The following OCA2 variants were observed in gnomAD, a reference collection of about 807,000 sequenced individuals.
OCA2 encodes P protein.
OCA2 carries 77 observed loss-of-function variants against 100.2 expected under a neutral mutation model. The observed-to-expected ratio is 0.77, with a 90% CI of 0.64 to 0.93. The LOEUF (loss-of-function observed/expected upper bound fraction) is 0.93, where lower values mean the gene tolerates loss of function less well. Among genes scored for constraint, OCA2 ranks in the 40% least tolerant of loss-of-function variants. The pLI is 0.00. For missense variants in OCA2, 1,062 were observed against 1,089.1 expected, an observed-to-expected ratio of 0.98 and a Z score of 0.35; for synonymous variants, 432 against 439.2, an observed-to-expected ratio of 0.98 and a Z score of 0.21.
chr15:27,820,104 C>T (rs4778122), intron 23 of OCA2, among the ~76,000 whole-genome samples: 90,852 of 151,982 alleles, frequency 0.6, 27,604 homozygotes, highest in South Asian at 0.77. Context: ...ACTCAAAGCA[C>T]AAAATAAATA....
At chr15:27,977,936 C>A (rs756280185) in intron 14 of OCA2, among the ~76,000 whole-genome samples, 1 of 152,168 alleles carries the variant, frequency 6.6e-6, no homozygotes, top group East Asian at 1.9e-4. Flanking sequence ...TCTAGCCTCC[C>A]GACTGTGAGG....
intron 23 of OCA2, among the ~76,000 whole-genome samples, chr15:27,840,000 A>T (rs1385742463): frequency 2.0e-5 from 3 of 152,190 alleles, no homozygotes; most frequent in Non-Finnish European, 4.4e-5. Context: ...GGAAAGCCAC[A>T]CTGAAAATAC....
chr15:28,057,402 A>G (rs979647205), intron 2 of OCA2, among the ~76,000 whole-genome samples: 7 of 152,092 alleles, frequency 4.6e-5, no homozygotes, highest in African/African-American at 1.7e-4. Flanking sequence ...GCAGCTCTCT[A>G]TGGGGCCTGC....
the OCA2 span, among the ~76,000 whole-genome samples, chr15:27,745,209 AAAGT>A: frequency 6.6e-6 from 1 of 152,176 alleles, no homozygotes; most frequent in Non-Finnish European, 1.5e-5. Flanking sequence ...GGCATTTCCA[AAAGT>A]AAGAGGAGGA....
chr15:27,943,671 TA>T lies in OCA2; in HGVS notation c.1951+8112del, dbSNP rs66644405. 6.0e-3 allele frequency among the ~76,000 whole-genome samples: 689 copies of T among 114,876 alleles called. 2 individuals carry two copies. Among genetic ancestry groups the T allele is most frequent in the Middle Eastern group, 9.3e-3 (2 of 216 alleles). 75.4% of individuals were successfully genotyped at this position (114,876 alleles called of 152,430 possible). On this transcript the variant is annotated intron_variant, in intron 18 of 23. Coordinates refer to ENST00000354638, the MANE Select transcript of OCA2 (RefSeq NM_000275.3). Reference sequence around the variant, plus strand: ...GTGCCCTAAAACTTAAAGTATAATTTAAAAAAAAAAAAAAAAAAAACCTTGG... The same window carrying T: ...GTGCCCTAAAACTTAAAGTATAATTTAAAAAAAAAAAAAAAAAAACCTTGG...
At chr15:27,896,342 T>A (rs1595595959) in intron 19 of OCA2, 1 of 794,490 alleles carries the variant, frequency 1.3e-6, no homozygotes, top group South Asian at 1.3e-5. Flanking sequence ...AAGATGAAGA[T>A]GCTTACCAGA....
intron 2 of OCA2, among the ~76,000 whole-genome samples, chr15:28,035,514 A>C (rs945721696): frequency 2.6e-5 from 4 of 152,182 alleles, no homozygotes; most frequent in African/African-American, 9.6e-5. Context: ...TTGCCCAAAA[A>C]CATTTTCCAG....
chr15:27,742,280 A>G, the OCA2 span, among the ~76,000 whole-genome samples: 4 of 152,204 alleles, frequency 2.6e-5, no homozygotes, highest in Admixed American at 2.0e-4. Flanking sequence ...TGCAAGTTAA[A>G]CATCATTCCC....
chr15:27,997,888 C>T (rs1039050194), intron 9 of OCA2, among the ~76,000 whole-genome samples: 1 of 132,054 alleles, frequency 7.6e-6, no homozygotes, highest in African/African-American at 2.5e-5. Flanking sequence ...TGAAGAGGTC[C>T]TTCACGTCCC....
chr15:27,820,618 G>A (rs1226946427), intron 23 of OCA2, among the ~76,000 whole-genome samples: 1 of 152,162 alleles, frequency 6.6e-6, no homozygotes, highest in Non-Finnish European at 1.5e-5. Context: ...TGGGAAGTGG[G>A]GTCCCCGATG....
downstream of OCA2, among the ~76,000 whole-genome samples, chr15:27,751,037 C>T (rs996667897): frequency 2.0e-5 from 3 of 152,208 alleles, no homozygotes; most frequent in East Asian, 1.9e-4. Context: ...GCATTTACTG[C>T]TCTTCCCACA....
intron 9 of OCA2, among the ~76,000 whole-genome samples, chr15:28,013,285 C>T (rs1021717107): frequency 1.3e-5 from 2 of 152,128 alleles, no homozygotes; most frequent in African/African-American, 4.8e-5. Flanking sequence ...GAATATTCTA[C>T]AGAACAACAG....
intron 15 of OCA2, among the ~76,000 whole-genome samples, chr15:27,960,982 C>T (rs907148461): frequency 2.0e-5 from 3 of 151,046 alleles, no homozygotes; most frequent in African/African-American, 7.3e-5. Flanking sequence ...AGCTTCTGCA[C>T]AGCAAAAGAA....
intron 23 of OCA2, among the ~76,000 whole-genome samples, chr15:27,761,403 G>A (rs142718393): frequency 2.7e-5 from 4 of 150,670 alleles, no homozygotes; most frequent in East Asian, 2.0e-4. Flanking sequence ...AACTTAAATC[G>A]TGTTTGTAAC....
In OCA2 at chr15:27,755,222, G is replaced by A. The variant is rs182290687; in HGVS notation, c.*166C>T. On this transcript the variant is annotated 3_prime_UTR_variant, in exon 24 of 24. Transcript: ENST00000354638. Reference sequence around the variant, plus strand: ...AGGAGGTCATGGTGTTCCAACATTCGCTTGAATTAGAGTGTTAGTGTCAAG... The same window carrying A: ...AGGAGGTCATGGTGTTCCAACATTCACTTGAATTAGAGTGTTAGTGTCAAG... 1.4e-3 allele frequency: 926 copies of A among 641,242 alleles called. 5 individuals carry two copies. The highest frequency in any genetic ancestry group is 5.2e-3 in the East Asian group (178 of 34,222). The allele number at this position is 641,242 out of a possible 1,614,324, so 39.7% of individuals were successfully genotyped here.
At chr15:27,885,375 T>C (rs1157392464) in intron 19 of OCA2, among the ~76,000 whole-genome samples, 1 of 152,108 alleles carries the variant, frequency 6.6e-6, no homozygotes, top group Non-Finnish European at 1.5e-5. Context: ...TCCAGACCCA[T>C]GGGAAGGCTT....
intron 23 of OCA2, among the ~76,000 whole-genome samples, chr15:27,771,372 G>C (rs1476577451): frequency 1.4e-5 from 2 of 147,830 alleles, no homozygotes; most frequent in Non-Finnish European, 3.0e-5. Flanking sequence ...GAGGCCCCGG[G>C]GGAGAGAGAA....
At chr15:28,027,812 T>G (rs900246175) in intron 4 of OCA2, 59 bp downstream of exon 4, 2 of 1,555,148 alleles carry the variant, frequency 1.3e-6, no homozygotes, top group Non-Finnish European at 1.8e-6. Context: ...GGAGGGGCCA[T>G]GTAGGACGCG....
chr15:28,026,429 C>G (rs1189515969), intron 4 of OCA2, among the ~76,000 whole-genome samples: 1 of 152,180 alleles, frequency 6.6e-6, no homozygotes, highest in Non-Finnish European at 1.5e-5. Context: ...ACAATTTCAC[C>G]CAACTCACAT....
Sources: gnomAD v4.1 joint callset for allele counts (sites outside exome capture counted in the v4.1 genomes callset) on GRCh38, gnomAD v4.1.1 for gene constraint, MANE v1.5 for transcripts, NCBI Gene and HGNC (gene_info 2026-07-23, HGNC 2026-07-21) for gene names.